The following R3HDM2 variants were observed in gnomAD, a reference collection of about 807,000 sequenced individuals.
R3HDM2 encodes R3H domain-containing protein 2.
In R3HDM2, 38 loss-of-function variants were observed where a neutral mutation model predicts 124.5. That is an observed-to-expected ratio of 0.31 (90% CI 0.24 to 0.40). R3HDM2 has a LOEUF of 0.40. R3HDM2 is among the 10% of genes least tolerant of loss of function. The probability of loss-of-function intolerance (pLI) is 1.00; values close to 1 mark genes in which losing one functional copy is unlikely to be tolerated. For synonymous variants in R3HDM2, 391 were observed against 448.0 expected (o/e 0.87, Z 1.61); for missense variants, 869 against 1,236.9 (o/e 0.70, Z 4.46).
intron 1 of R3HDM2, among the ~76,000 whole-genome samples, chr12:57,424,774 A>G (rs2070560349): frequency 6.6e-6 from 1 of 151,980 alleles, no homozygotes; most frequent in Admixed American, 6.6e-5. Context: ...GCACAATCAT[A>G]GCTCACTGCA....
intron 3 of R3HDM2, among the ~76,000 whole-genome samples, chr12:57,309,195 C>T (rs2053393997): frequency 6.6e-6 from 1 of 152,154 alleles, no homozygotes; most frequent in African/African-American, 2.4e-5. Flanking sequence ...TTCAAGTTTC[C>T]AGACCCTCTA....
chr12:57,430,581 C>A, intron 1 of R3HDM2, 139 bp downstream of exon 1: 2 of 985,156 alleles, frequency 2.0e-6, no homozygotes, highest in Non-Finnish European at 2.4e-6. Context: ...CCGACCCTGA[C>A]CCATCGTCCC....
chr12:57,430,489 G>GGCCCCCCCCCCCCCC, intron 1 of R3HDM2: 1 of 790,568 alleles, frequency 1.3e-6, no homozygotes, highest in Middle Eastern at 6.5e-4. Flanking sequence ...CCACCCCCCT[G>GGCCCCCCCCCCCCCC]CCCCCGCACC....
chr12:57,357,940 T>C (rs894142969), intron 2 of R3HDM2, among the ~76,000 whole-genome samples: 1 of 151,860 alleles, frequency 6.6e-6, no homozygotes, highest in Non-Finnish European at 1.5e-5. Flanking sequence ...TTCCAAATAT[T>C]TGGGGATTTT....
At chr12:57,391,012 CAAATAAAAAAAAAAA>C (rs936788388) in intron 2 of R3HDM2, among the ~76,000 whole-genome samples, 19 of 139,622 alleles carry the variant, frequency 1.4e-4, no homozygotes, top group African/African-American at 5.1e-4. Context: ...AACTCCGTCT[CAAATAAAAAAAAAAA>C]AAAGAAAGAA....
intron 12 of R3HDM2, among the ~76,000 whole-genome samples, chr12:57,288,188 T>C (rs1308149832): frequency 6.6e-6 from 1 of 151,896 alleles, no homozygotes; most frequent in Non-Finnish European, 1.5e-5. Flanking sequence ...GTATTTTTAG[T>C]AGAGACAAGG....
chr12:57,396,257 T>C (rs1017681110), intron 1 of R3HDM2, among the ~76,000 whole-genome samples: 9 of 150,744 alleles, frequency 6.0e-5, no homozygotes, highest in African/African-American at 2.2e-4. Context: ...CTGGTCAACA[T>C]GGTGAAGCCT....
chr12:57,344,660 A>C (rs991556469), intron 2 of R3HDM2, among the ~76,000 whole-genome samples: 10 of 152,190 alleles, frequency 6.6e-5, no homozygotes, highest in African/African-American at 2.4e-4. Flanking sequence ...AAATTTTAGA[A>C]CTGGAAAATA....
chr12:57,289,202 C>T (rs1032225663), intron 11 of R3HDM2, among the ~76,000 whole-genome samples, 162 bp from the exon 12 acceptor site: 10 of 152,128 alleles, frequency 6.6e-5, no homozygotes, highest in African/African-American at 2.2e-4. Flanking sequence ...TACCCGCATA[C>T]CCAATCTGAC....
At chr12:57,399,935 C>G (rs2067900019) in intron 1 of R3HDM2, among the ~76,000 whole-genome samples, 1 of 152,224 alleles carries the variant, frequency 6.6e-6, no homozygotes. Context: ...AGGACTTCCG[C>G]TGATTCATCC....
At chr12:57,376,365 T>C (rs949976171) in intron 2 of R3HDM2, among the ~76,000 whole-genome samples, 2 of 152,258 alleles carry the variant, frequency 1.3e-5, no homozygotes, top group Non-Finnish European at 2.9e-5. Context: ...GTTATACACG[T>C]TCCATTGCCT....
chr12:57,361,231 C>A lies in R3HDM2; in HGVS notation c.-36+34518G>T, dbSNP rs981361921. 1.3e-4 allele frequency among the ~76,000 whole-genome samples: 19 copies of A among 151,130 alleles called. 1 individual carries two copies. The highest frequency in any genetic ancestry group is 4.4e-4 in the African/African-American group (18 of 41,120). On this transcript the variant is annotated intron_variant, in intron 2 of 23. Transcript: ENST00000402412. The stretch of plus-strand genomic sequence containing the variant: ...TCTCTACTAAAAATACAAAATGAGC[C>A]GAGCATGGTGGCACATGCCTGTAAT...
At chr12:57,350,972 G>A (rs1221268446) in intron 2 of R3HDM2, among the ~76,000 whole-genome samples, 1 of 152,128 alleles carries the variant, frequency 6.6e-6, no homozygotes, top group African/African-American at 2.4e-5. Context: ...GGTGGCGGGT[G>A]CCTGTAATCC....
intron 2 of R3HDM2, among the ~76,000 whole-genome samples, chr12:57,373,782 C>T (rs2063666036): frequency 6.6e-6 from 1 of 151,370 alleles, no homozygotes; most frequent in Non-Finnish European, 1.5e-5. Context: ...CATTGCACTC[C>T]AGTCTGGGCA....
intron 2 of R3HDM2, among the ~76,000 whole-genome samples, chr12:57,316,615 T>C (rs7313824): frequency 0.43 from 61,103 of 141,668 alleles, 13,910 homozygotes; most frequent in South Asian, 0.52. Flanking sequence ...AGATGGAGTC[T>C]CACTATATCA....
intron 2 of R3HDM2, among the ~76,000 whole-genome samples, chr12:57,319,992 G>A (rs972557341): frequency 1.3e-5 from 2 of 152,050 alleles, no homozygotes; most frequent in Non-Finnish European, 2.9e-5. Flanking sequence ...TAGGCTGGGC[G>A]TAGTGGCTCA....
intron 1 of R3HDM2, among the ~76,000 whole-genome samples, chr12:57,410,344 T>G (rs2068901804): frequency 1.5e-5 from 2 of 137,132 alleles, no homozygotes; most frequent in East Asian, 2.1e-4. Flanking sequence ...AAAAAAAAAC[T>G]TCACATTTCA....
intron 2 of R3HDM2, among the ~76,000 whole-genome samples, chr12:57,361,048 C>CAAAAAAAAAAA (rs35437591): frequency 3.3e-5 from 2 of 60,036 alleles, no homozygotes; most frequent in Non-Finnish European, 2.8e-5. Flanking sequence ...AGACACGTCT[C>CAAAAAAAAAAA]AAAAAAAAAA....
intron 2 of R3HDM2, among the ~76,000 whole-genome samples, chr12:57,360,012 T>A (rs1273581870): frequency 2.5e-4 from 23 of 90,446 alleles, no homozygotes; most frequent in Admixed American, 1.9e-3. Flanking sequence ...AATAAATATA[T>A]ATATATATAT....
Sources: allele counts gnomAD v4.1 joint callset (sites outside exome capture counted in the v4.1 genomes callset), GRCh38; gene constraint gnomAD v4.1.1; transcripts MANE v1.5; gene names NCBI Gene and HGNC (gene_info 2026-07-23, HGNC 2026-07-21).